The following RUNX1 variants were observed in gnomAD, a reference collection of about 807,000 sequenced individuals.
The protein encoded by RUNX1 is runt-related transcription factor 1.
In RUNX1, 19 loss-of-function variants were observed where a neutral mutation model predicts 42.8. The observed-to-expected ratio is 0.44, with a 90% CI of 0.31 to 0.65. RUNX1 has a LOEUF of 0.65. RUNX1 is among the 30% of genes least tolerant of loss of function. The pLI is 0.07. For synonymous variants in RUNX1, 271 were observed against 289.4 expected (o/e 0.94, Z 0.64); for missense variants, 528 against 672.0 (o/e 0.79, Z 2.37).
chr21:34,837,831 A>T (rs1184964621), intron 6 of RUNX1, among the ~76,000 whole-genome samples: 1 of 152,244 alleles, frequency 6.6e-6, no homozygotes, highest in Admixed American at 6.5e-5. Flanking sequence ...TAGTGGGCAC[A>T]TCAAGATTTC....
intron 2 of RUNX1, among the ~76,000 whole-genome samples, chr21:34,906,238 G>C (rs1201314458): frequency 6.6e-6 from 1 of 152,202 alleles, no homozygotes; most frequent in Non-Finnish European, 1.5e-5. Context: ...ATTAGATTTG[G>C]GTTATGCTGG....
chr21:34,801,197 A>G (rs2056602660), intron 7 of RUNX1, among the ~76,000 whole-genome samples: 2 of 152,048 alleles, frequency 1.3e-5, no homozygotes, highest in Admixed American at 1.3e-4. Context: ...TAGTACTCCA[A>G]TACTTTAATC....
chr21:34,849,345 A>AC, intron 6 of RUNX1, among the ~76,000 whole-genome samples: 2 of 39,470 alleles, frequency 5.1e-5, no homozygotes, highest in South Asian at 1.2e-3. Flanking sequence ...TATATATTAT[A>AC]TATAGTATAT....
At chr21:34,802,344 A>T (rs988531884) in intron 7 of RUNX1, among the ~76,000 whole-genome samples, 2 of 152,226 alleles carry the variant, frequency 1.3e-5, no homozygotes, top group African/African-American at 4.8e-5. Flanking sequence ...TTTACCTGGC[A>T]GGAGAGTGAT....
intron 2 of RUNX1, among the ~76,000 whole-genome samples, chr21:34,953,548 C>G (rs1489327624): frequency 6.6e-6 from 1 of 152,120 alleles, no homozygotes; most frequent in Non-Finnish European, 1.5e-5. Context: ...TATAAGGAGT[C>G]TAGGTTTTTG....
At chr21:35,017,208 C>A (rs2059165755) in intron 2 of RUNX1, among the ~76,000 whole-genome samples, 1 of 152,166 alleles carries the variant, frequency 6.6e-6, no homozygotes, top group African/African-American at 2.4e-5. Flanking sequence ...TAAAGCCTTT[C>A]TTTCCAGAGT....
rs780575562 is a variant in RUNX1 at position 34,788,780 on chromosome 21, T to G, written c.*3355A>C. On this transcript the variant is annotated 3_prime_UTR_variant, in exon 9 of 9. Transcript: ENST00000675419. ...TACGCTACGGTAAACAAAAAGGCATTTTGTTCAGATGTAAAATATGTTTTG... is the reference window on the plus strand; with the variant it reads ...TACGCTACGGTAAACAAAAAGGCATGTTGTTCAGATGTAAAATATGTTTTG... The G allele has an allele frequency of 8.6e-6, 2 of 233,456 alleles. No individual in the cohort carries two copies. The highest frequency in any genetic ancestry group is 2.2e-5 in the African/African-American group (1 of 45,322). 14.5% of individuals were successfully genotyped at this position (233,456 alleles called of 1,614,324 possible).
intron 2 of RUNX1, among the ~76,000 whole-genome samples, chr21:34,930,970 CACAA>C (rs2058439863): frequency 6.6e-6 from 1 of 152,234 alleles, no homozygotes; most frequent in African/African-American, 2.4e-5. Flanking sequence ...CACAAGCAGT[CACAA>C]TGGTAGCAGA....
intron 2 of RUNX1, among the ~76,000 whole-genome samples, chr21:35,007,027 T>A (rs888605714): frequency 6.6e-6 from 1 of 152,126 alleles, no homozygotes; most frequent in Admixed American, 6.6e-5. Context: ...ACCAGCCCCA[T>A]GTGGGCAAGA....
At chr21:35,033,817 A>T (rs56358585) in intron 2 of RUNX1, among the ~76,000 whole-genome samples, 8,077 of 152,278 alleles carry the variant, frequency 0.053, 304 homozygotes, top group Non-Finnish European at 0.07. Context: ...TCTTCAAAGA[A>T]ATACTGATGA....
intron 2 of RUNX1, among the ~76,000 whole-genome samples, chr21:35,016,000 T>C (rs1046986813): frequency 6.6e-6 from 1 of 152,224 alleles, no homozygotes; most frequent in Non-Finnish European, 1.5e-5. Context: ...CATTTCATTA[T>C]GATAGTATAC....
At chr21:34,814,523 TTCTG>T (rs1718862364) in intron 7 of RUNX1, among the ~76,000 whole-genome samples, 3 of 152,226 alleles carry the variant, frequency 2.0e-5, no homozygotes, top group Non-Finnish European at 2.9e-5. Flanking sequence ...ACTTGTATTA[TTCTG>T]TCTTTCAAGT....
At chr21:34,989,249 TCTGA>T (rs1460818976) in intron 2 of RUNX1, among the ~76,000 whole-genome samples, 1 of 152,042 alleles carries the variant, frequency 6.6e-6, no homozygotes, top group Non-Finnish European at 1.5e-5. Context: ...CCTCAGGTGA[TCTGA>T]CTGTCTCTGC....
At chr21:34,824,488 G>T (rs186597086) in intron 7 of RUNX1, among the ~76,000 whole-genome samples, 2 of 152,240 alleles carry the variant, frequency 1.3e-5, no homozygotes, top group African/African-American at 4.8e-5. Context: ...AAAGAAACTG[G>T]GTTTGTCAGT....
chr21:34,892,592 T>C (rs539682506), intron 3 of RUNX1, among the ~76,000 whole-genome samples: 4 of 152,388 alleles, frequency 2.6e-5, no homozygotes, highest in Middle Eastern at 3.4e-3. Flanking sequence ...ACCACTGCTA[T>C]AACACAGGTA....
At chr21:34,834,196 A>G (rs1167862268) in intron 7 of RUNX1, 1 of 702,492 alleles carries the variant, frequency 1.4e-6, no homozygotes, top group Non-Finnish European at 2.6e-6. Context: ...GGATCTGGTT[A>G]CAATGCAGAT....
At position 34,870,069 on chromosome 21, in the gene RUNX1, C is replaced by T. The variant is rs566021107; in HGVS notation, c.508+10488G>A. On this transcript the variant is annotated intron_variant, in intron 5 of 8. Transcript: ENST00000675419. ...CCTATTGCTAACAGGAATCTCAGGG[C>T]CTGCCGCATATAACCCTTTCACGAC... is the stretch of plus-strand genomic sequence containing the variant. 2.0e-5 allele frequency among the ~76,000 whole-genome samples: 3 copies of T among 152,254 alleles called. No homozygotes were observed. In the East Asian group the frequency reaches 5.8e-4, roughly 29 times the overall value.
intron 2 of RUNX1, among the ~76,000 whole-genome samples, chr21:34,995,226 C>T (rs775999010): frequency 6.6e-6 from 1 of 152,206 alleles, no homozygotes; most frequent in African/African-American, 2.4e-5. Context: ...CTCCACCCTT[C>T]CCAGCAGACT....
At chr21:34,914,903 G>A (rs1313006293) in intron 2 of RUNX1, among the ~76,000 whole-genome samples, 2 of 152,230 alleles carry the variant, frequency 1.3e-5, no homozygotes, top group Admixed American at 6.5e-5. Flanking sequence ...CAATCTGAGT[G>A]TAAAGCCAGG....
Sources: allele counts gnomAD v4.1 joint callset (sites outside exome capture counted in the v4.1 genomes callset), GRCh38; gene constraint gnomAD v4.1.1; transcripts MANE v1.5; gene names NCBI Gene and HGNC (gene_info 2026-07-23, HGNC 2026-07-21).